The following SLC13A4 variants were observed in gnomAD, a reference collection of about 807,000 sequenced individuals.
SLC13A4 encodes the protein Na(+)/sulfate cotransporter SUT-1.
SLC13A4 carries 28 observed loss-of-function variants against 72.7 expected under a neutral mutation model. The observed-to-expected ratio is 0.39, with a 90% CI of 0.29 to 0.53. The LOEUF is 0.53. SLC13A4 is among the 20% of genes least tolerant of loss of function. The pLI, the probability that SLC13A4 is intolerant of heterozygous loss-of-function variation, is 0.78. For synonymous variants in SLC13A4, 312 were observed against 325.5 expected (o/e 0.96, Z 0.45); for missense variants, 653 against 788.0 (o/e 0.83, Z 2.05).
intron 10 of SLC13A4, 21 bp from the exon 11 acceptor site, chr7:135,692,445 AC>A (rs1221159630): frequency 8.4e-6 from 13 of 1,555,678 alleles, no homozygotes; most frequent in Non-Finnish European, 1.1e-5. Context: ...AAACAGAAAG[AC>A]CCACTCAGGA....
chr7:135,684,770 AG>A (rs745537063), intron 14 of SLC13A4, among the ~76,000 whole-genome samples: 2 of 151,968 alleles, frequency 1.3e-5, no homozygotes, highest in Non-Finnish European at 2.9e-5. Flanking sequence ...AGATGACGGA[AG>A]GGAGAAGTTG....
chr7:135,683,026 C>T (rs1225230940), intron 15 of SLC13A4, among the ~76,000 whole-genome samples: 1 of 152,000 alleles, frequency 6.6e-6, no homozygotes, highest in Admixed American at 6.6e-5. Flanking sequence ...AGGCTGAGAG[C>T]AGTGACTCAC....
chr7:135,709,156 C>T (rs1796240394), intron 2 of SLC13A4, among the ~76,000 whole-genome samples: 1 of 151,916 alleles, frequency 6.6e-6, no homozygotes, highest in Admixed American at 6.6e-5. Context: ...TGGTCTCAAT[C>T]TCCTGACCTC....
At chr7:135,694,727 T>C (rs1795863993) in intron 9 of SLC13A4, among the ~76,000 whole-genome samples, 1 of 152,242 alleles carries the variant, frequency 6.6e-6, no homozygotes, top group Admixed American at 6.5e-5. Flanking sequence ...AGTTTTATGT[T>C]AGCAATACTG....
intron 2 of SLC13A4, among the ~76,000 whole-genome samples, chr7:135,715,463 A>T (rs1425744678): frequency 6.8e-6 from 1 of 146,016 alleles, no homozygotes; most frequent in Admixed American, 6.8e-5. Flanking sequence ...GCATTAGTGC[A>T]TATGAGTGTG....
chr7:135,687,467 TG>T (rs1795658618), intron 13 of SLC13A4, among the ~76,000 whole-genome samples: 1 of 152,260 alleles, frequency 6.6e-6, no homozygotes, highest in African/African-American at 2.4e-5. Flanking sequence ...TACAGTACCC[TG>T]GCCACCTCCT....
chr7:135,708,082 C>G, intron 3 of SLC13A4, 32 bp downstream of exon 3: 1 of 1,604,530 alleles, frequency 6.2e-7, no homozygotes. Flanking sequence ...TAGAAGGATG[C>G]CCTATGTCCT....
chr7:135,698,261 G>A (rs1795948830), intron 8 of SLC13A4, among the ~76,000 whole-genome samples: 1 of 150,812 alleles, frequency 6.6e-6, no homozygotes, highest in Admixed American at 6.6e-5. Flanking sequence ...TCGAACTCCT[G>A]ACCTCAAGTG....
Position 135,691,294 on chromosome 7 carries a change from C to G in SLC13A4, c.1353G>C (p.Glu451Asp), listed in dbSNP as rs1193695612. 1 of 1,613,746 alleles carries G rather than the reference C, an allele frequency of 6.2e-7. No individual in the cohort carries two copies. The change falls in exon 13 of 16, where the codon GAG (glutamate) becomes GAC (aspartate). Residue 451 changes from glutamate to aspartate, a missense_variant. By Grantham distance (45) the Glu-to-Asp change is conservative. Coordinates refer to ENST00000682651, the MANE Select transcript of SLC13A4 (RefSeq NM_001318192.2). ...GENQEHSLGT[E>D]PIITWKDFQK... ...GGAAGTCCTTCCACGTGATGATGGG[C>G]TCGGTCCCCAGTGAGTGCTCCTGGT...
chr7:135,718,088 C>CGT (rs1554479750), intron 2 of SLC13A4, among the ~76,000 whole-genome samples: 2 of 149,560 alleles, frequency 1.3e-5, no homozygotes, highest in Non-Finnish European at 3.0e-5. Flanking sequence ...CACACACACA[C>CGT]GCGCGCGCGC....
intron 2 of SLC13A4, among the ~76,000 whole-genome samples, chr7:135,715,010 A>G (rs1052849931): frequency 1.3e-5 from 2 of 150,122 alleles, no homozygotes; most frequent in Middle Eastern, 7.0e-3. Flanking sequence ...GTGAGTGTGT[A>G]TTTGTGTATA....
At chr7:135,718,096 CGCGCACGCGT>C (rs923319967) in intron 2 of SLC13A4, among the ~76,000 whole-genome samples, 1 of 151,640 alleles carries the variant, frequency 6.6e-6, no homozygotes, top group East Asian at 1.9e-4. Flanking sequence ...CACGCGCGCG[CGCGCACGCGT>C]GCGCGCTAGT....
At chr7:135,708,056 G>C in intron 3 of SLC13A4, 58 bp downstream of exon 3, 1 of 1,583,828 alleles carries the variant, frequency 6.3e-7, no homozygotes, top group Non-Finnish European at 8.6e-7. Flanking sequence ...CACTGTCCTG[G>C]TGGCACACTG....
intron 8 of SLC13A4, among the ~76,000 whole-genome samples, chr7:135,695,900 G>A (rs1795893467): frequency 6.6e-6 from 1 of 152,162 alleles, no homozygotes; most frequent in African/African-American, 2.4e-5. Flanking sequence ...CACAATTCTG[G>A]AGAATCTGGA....
At chr7:135,722,019 T>C (rs1796559711) in intron 1 of SLC13A4, among the ~76,000 whole-genome samples, 1 of 152,118 alleles carries the variant, frequency 6.6e-6, no homozygotes, top group Non-Finnish European at 1.5e-5. Context: ...GGTGGGAGGA[T>C]CACTTGAGCC....
In SLC13A4 at chr7:135,727,442, C is replaced by T. The variant is rs1363435870; in HGVS notation, c.55G>A (p.Val19Ile). Residue 19 changes from valine (V) to isoleucine (I), a missense_variant, in exon 1 of 16, where the codon GTC becomes ATC. Val to Ile is a conservative substitution (Grantham distance 29). Coordinates refer to ENST00000682651, the MANE Select transcript of SLC13A4 (RefSeq NM_001318192.2). Reference sequence around the variant, plus strand: ...GGCAGAGGCAGCAGCAGGAGCGGGACGCAGACGACCAGCAGCAGCTTCCGG... The same window carrying T: ...GGCAGAGGCAGCAGCAGGAGCGGGATGCAGACGACCAGCAGCAGCTTCCGG... ...RVRKLLLVVC[V>I]PLLLLPLPVL... The T allele has an allele frequency of 1.3e-6, 2 of 1,550,120 alleles. No homozygotes were observed. The highest frequency in any genetic ancestry group is 2.0e-5 in the Admixed American group (1 of 51,006).
intron 2 of SLC13A4, among the ~76,000 whole-genome samples, chr7:135,716,083 T>G (rs1465785503): frequency 1.3e-5 from 2 of 152,146 alleles, no homozygotes; most frequent in Non-Finnish European, 2.9e-5. Flanking sequence ...GGGAAATTCC[T>G]TTATGGCACT....
At chr7:135,702,747 A>G (rs3112346) in intron 6 of SLC13A4, 98 bp downstream of exon 6, 620,127 of 948,126 alleles carry the variant, frequency 0.65, 205,773 homozygotes, top group East Asian at 0.87. Flanking sequence ...GTGGATCTGT[A>G]GCTGTTGAAA....
Position 135,715,282 on chromosome 7 carries a change from AGTGT to A in SLC13A4, c.228+6109_228+6112del, listed in dbSNP as rs746910255. Among the ~76,000 whole-genome samples, 58 of 147,468 alleles carry A rather than the reference AGTGT, an allele frequency of 3.9e-4. 1 individual carries two copies. Among genetic ancestry groups the A allele is most frequent in the Non-Finnish European group, 4.0e-4 (27 of 67,192 alleles). On this transcript the variant is annotated intron_variant, in intron 2 of 15. Coordinates refer to ENST00000682651, the MANE Select transcript of SLC13A4 (RefSeq NM_001318192.2). Reference sequence around the variant, plus strand: ...GTGTGGGCATGTGTATGAGTGTATGAGTGTGTGTGAGTGTACGTATATCTAAGCA... The same window carrying A: ...GTGTGGGCATGTGTATGAGTGTATGAGTGTGAGTGTACGTATATCTAAGCA...
Sources: allele counts gnomAD v4.1 joint callset (sites outside exome capture counted in the v4.1 genomes callset), GRCh38; gene constraint gnomAD v4.1.1; transcripts MANE v1.5; gene names NCBI Gene and HGNC (gene_info 2026-07-23, HGNC 2026-07-21).